MICAL2: variants seen among roughly 807,000 people sequenced by gnomAD.
The protein encoded by MICAL2 is [F-actin]-monooxygenase MICAL2.
Under a neutral mutation model 127.3 loss-of-function variants are expected in MICAL2, and 77 were observed. The observed-to-expected ratio is 0.60, with a 90% CI of 0.50 to 0.73. MICAL2 has a LOEUF of 0.73. MICAL2 is among the 30% of genes least tolerant of loss of function. The probability of loss-of-function intolerance (pLI) is 0.00; values close to 1 mark genes in which losing one functional copy is unlikely to be tolerated. For synonymous variants in MICAL2, 570 were observed against 551.1 expected, an observed-to-expected ratio of 1.03 and a Z score of -0.48; for missense variants, 1,351 against 1,434.4, an observed-to-expected ratio of 0.94 and a Z score of 0.94.
intron 26 of MICAL2, 47 bp from the exon 27 acceptor site, chr11:12,262,433 C>G (rs1252981604): frequency 1.2e-6 from 2 of 1,611,752 alleles, no homozygotes; most frequent in Admixed American, 1.7e-5. Flanking sequence ...ACTAAGCTCT[C>G]TTTTCTATCT....
chr11:12,111,183 C>T (rs10765922), intron 1 of MICAL2, among the ~76,000 whole-genome samples: 143,398 of 152,268 alleles, frequency 0.94, 68,154 homozygotes, highest in East Asian at 1. Context: ...TCCCCCTCCC[C>T]TGTCCCCTCC....
intron 29 of MICAL2, among the ~76,000 whole-genome samples, chr11:12,305,128 A>G (rs1322110125): frequency 6.6e-6 from 1 of 152,168 alleles, no homozygotes; most frequent in Non-Finnish European, 1.5e-5. Flanking sequence ...TCACACTGCT[A>G]TAAATATACT....
intron 7 of MICAL2, among the ~76,000 whole-genome samples, chr11:12,215,446 A>G (rs1445634445): frequency 1.3e-5 from 2 of 152,162 alleles, no homozygotes; most frequent in African/African-American, 2.4e-5. Flanking sequence ...ACACTTGAGT[A>G]TGAATTGGCA....
chr11:12,119,651 C>T (rs751119632), intron 1 of MICAL2, among the ~76,000 whole-genome samples: 7 of 152,210 alleles, frequency 4.6e-5, no homozygotes, highest in Non-Finnish European at 7.3e-5. Flanking sequence ...CATAGGCCGC[C>T]TGCGGATTGG....
At chr11:12,283,165 T>C (rs1863789734) in intron 2 of MICAL2, among the ~76,000 whole-genome samples, 2 of 152,200 alleles carry the variant, frequency 1.3e-5, no homozygotes. Context: ...TTTGTGCTGC[T>C]GGTTATGGTA....
At chr11:12,211,379 T>C (rs1052387352) in intron 6 of MICAL2, among the ~76,000 whole-genome samples, 1 of 151,846 alleles carries the variant, frequency 6.6e-6, no homozygotes, top group Non-Finnish European at 1.5e-5. Context: ...AGACTCCATC[T>C]CAGAAAAAAA....
intron 22 of MICAL2, chr11:12,255,334 C>T (rs1354338932): frequency 2.8e-6 from 1 of 359,342 alleles, no homozygotes; most frequent in Non-Finnish European, 5.3e-6. Flanking sequence ...GAACTCTGTA[C>T]CCACTAAACA....
At chr11:12,227,511 GTGATGA>G (rs997281907) in intron 15 of MICAL2, among the ~76,000 whole-genome samples, 1 of 152,202 alleles carries the variant, frequency 6.6e-6, no homozygotes, top group African/African-American at 2.4e-5. Context: ...GAAGTGCATG[GTGATGA>G]TGCTCTGTTT....
At chr11:12,183,135 T>G (rs2133962283) in intron 3 of MICAL2, among the ~76,000 whole-genome samples, 1 of 152,238 alleles carries the variant, frequency 6.6e-6, no homozygotes, top group South Asian at 2.1e-4. Context: ...GGGAGATGGC[T>G]TAATGCCTTC....
downstream of MICAL2, among the ~76,000 whole-genome samples, chr11:12,360,119 T>A (rs77404584): frequency 0.09 from 13,049 of 144,876 alleles, 1,410 homozygotes; most frequent in African/African-American, 0.27. Flanking sequence ...TTTTTTTTTT[T>A]AAAAAAAAAA....
chr11:12,344,157 A>T (rs906999991), intron 32 of MICAL2, among the ~76,000 whole-genome samples: 1 of 152,056 alleles, frequency 6.6e-6, no homozygotes, highest in East Asian at 1.9e-4. Flanking sequence ...TTAGTCGGGC[A>T]TGGTGGCACA....
chr11:12,117,373 G>A (rs962716289), intron 1 of MICAL2, among the ~76,000 whole-genome samples: 4 of 152,234 alleles, frequency 2.6e-5, no homozygotes, highest in African/African-American at 4.8e-5. Context: ...CTGGAGACAC[G>A]AGTGGGAGTC....
intron 2 of MICAL2, chr11:12,153,214 T>C (rs867294666): frequency 6.6e-5 from 10 of 152,108 alleles, no homozygotes; most frequent in African/African-American, 2.4e-4. Context: ...TTTTCTTTGT[T>C]TTTTTGTAGA....
chr11:12,241,999 TG>T (rs980142360), intron 18 of MICAL2, among the ~76,000 whole-genome samples: 14 of 152,022 alleles, frequency 9.2e-5, no homozygotes, highest in African/African-American at 3.4e-4. Flanking sequence ...TTCAGGGGGT[TG>T]GGGGTGAGGC....
chr11:12,125,239 T>C (rs777839980), intron 1 of MICAL2, among the ~76,000 whole-genome samples: 8 of 152,250 alleles, frequency 5.3e-5, no homozygotes, highest in Admixed American at 3.9e-4. Context: ...CTTTATTTCA[T>C]GGGCTTTTCA....
At chr11:12,191,918 G>C (rs1370914253) in intron 3 of MICAL2, among the ~76,000 whole-genome samples, 1 of 152,122 alleles carries the variant, frequency 6.6e-6, no homozygotes, top group Non-Finnish European at 1.5e-5. Flanking sequence ...TGGTGAGAAG[G>C]AGCTGTGTTC....
chr11:12,276,925 C>G (rs1226145931), intron 1 of MICAL2, among the ~76,000 whole-genome samples: 1 of 152,146 alleles, frequency 6.6e-6, no homozygotes, highest in Non-Finnish European at 1.5e-5. Context: ...AGTGGCTGGT[C>G]AGCTGCCTTA....
chr11:12,121,009 C>T (rs1192970226), intron 1 of MICAL2, among the ~76,000 whole-genome samples: 5 of 152,244 alleles, frequency 3.3e-5, no homozygotes, highest in African/African-American at 1.2e-4. Flanking sequence ...TTTTGACCCA[C>T]AGCCTTCTTT....
At position 12,221,641 on chromosome 11, in the gene MICAL2, C is replaced by T; in HGVS notation, c.1207-3C>T. 2 of 1,602,010 alleles carry T rather than the reference C, an allele frequency of 1.2e-6. No homozygotes were observed. Among genetic ancestry groups the T allele is most frequent in the Non-Finnish European group, 1.7e-6 (2 of 1,172,132 alleles). ...CTGGAATTTTGCACGTTTTCTTTTG[C>T]AGCCATTTTGGCCCATGGGTACAGG... On this transcript the variant is annotated splice_polypyrimidine_tract_variant and splice_region_variant and intron_variant, in intron 9 of 27. Transcript: ENST00000683283.
Sources: gnomAD v4.1 joint callset for allele counts (sites outside exome capture counted in the v4.1 genomes callset) on GRCh38, gnomAD v4.1.1 for gene constraint, MANE v1.5 for transcripts, NCBI Gene and HGNC (gene_info 2026-07-23, HGNC 2026-07-21) for gene names.